PCDHGA1: variants seen among roughly 807,000 people sequenced by gnomAD.
The protein encoded by PCDHGA1 is protocadherin gamma-A1.
A neutral mutation model predicts 58.0 loss-of-function variants in PCDHGA1; 32 were observed. The ratio of observed to expected loss-of-function variants is 0.55; its 90% CI spans 0.42 to 0.74. The LOEUF (loss-of-function observed/expected upper bound fraction) is 0.74. Among genes scored for constraint, PCDHGA1 ranks in the 30% least tolerant of loss-of-function variants. The pLI is 0.00. For missense variants in PCDHGA1, 1,205 were observed against 1,182.3 expected (o/e 1.02, Z -0.28); for synonymous variants, 498 against 501.1 (o/e 0.99, Z 0.08).
chr5:141,390,437 T>C (rs1182289355), intron 1 of PCDHGA1: 42 of 933,186 alleles, frequency 4.5e-5, no homozygotes, highest in Non-Finnish European at 6.5e-5. Flanking sequence ...CATATCATTC[T>C]ACAAAGGAGG....
At chr5:141,376,331 C>T (rs757952080) in intron 1 of PCDHGA1, 2 of 1,614,078 alleles carry the variant, frequency 1.2e-6, no homozygotes, top group East Asian at 2.2e-5. Context: ...TCGGGCTTTC[C>T]TGCAGACCTA....
chr5:141,418,151 G>T, intron 1 of PCDHGA1: 1 of 1,614,108 alleles, frequency 6.2e-7, no homozygotes, highest in Non-Finnish European at 8.5e-7. Flanking sequence ...AATATGCAAA[G>T]AGAGAAGAAG....
Position 141,419,305 on chromosome 5 carries a change from G to A in PCDHGA1, c.2422-75502G>A, listed in dbSNP as rs778360128. ...TCAGTGCCTCTGACCCAGACTTCGGGCTCAACGGCCGTGTCTCCTACTCTC... is the reference window on the plus strand; with the variant it reads ...TCAGTGCCTCTGACCCAGACTTCGGACTCAACGGCCGTGTCTCCTACTCTC... On this transcript the variant is annotated intron_variant, in intron 1 of 3. Transcript: ENST00000517417. The A allele has an allele frequency of 3.1e-6, 5 of 1,613,906 alleles. No individual in the cohort carries two copies. The East Asian group carries it at 1.1e-4, about 36-fold the overall frequency.
At chr5:141,359,855 TAAAA>T (rs1343900120) in intron 1 of PCDHGA1, among the ~76,000 whole-genome samples, 2 of 151,960 alleles carry the variant, frequency 1.3e-5, no homozygotes, top group Non-Finnish European at 2.9e-5. Context: ...CTTTATAAAT[TAAAA>T]AAGAAAAGAA....
At position 141,491,196 on chromosome 5, in the gene PCDHGA1, T is replaced by C. The variant is rs899789155; in HGVS notation, c.2422-3611T>C. ...TGGTGGTCCTGGTGAGGGACAATGGTGACCCTTCACTCTCCTCCACAGCCA... is the reference window on the plus strand; with the variant it reads ...TGGTGGTCCTGGTGAGGGACAATGGCGACCCTTCACTCTCCTCCACAGCCA... On this transcript the variant is annotated intron_variant, in intron 1 of 3. Transcript: ENST00000517417. The surrounding 1 kb of genome is among the most constrained non-coding windows in gnomAD (Gnocchi z 6.9). The C allele has an allele frequency of 6.8e-6, 11 of 1,614,186 alleles. No homozygotes were observed. The highest frequency in any genetic ancestry group is 9.3e-6 in the Non-Finnish European group (11 of 1,180,030).
chr5:141,404,411 G>A, intron 1 of PCDHGA1: 1 of 1,613,854 alleles, frequency 6.2e-7, no homozygotes, highest in Non-Finnish European at 8.5e-7. Flanking sequence ...GAATTCTAGA[G>A]TTATTTACTC....
At chr5:141,427,615 A>G (rs1428096450) in intron 1 of PCDHGA1, 2 of 693,732 alleles carry the variant, frequency 2.9e-6, no homozygotes, top group Non-Finnish European at 5.3e-6. Context: ...GGTGAAGTCA[A>G]CGACAATGCT....
intron 1 of PCDHGA1, chr5:141,365,363 C>G (rs1305690731): frequency 1.2e-6 from 2 of 1,613,900 alleles, no homozygotes; most frequent in Middle Eastern, 1.6e-4. Flanking sequence ...TGACAATGCC[C>G]CCGAAGTGAT....
At position 141,399,013 on chromosome 5, in the gene PCDHGA1, G is replaced by A. The variant is rs145783835; in HGVS notation, c.2421+65908G>A. 9.5e-3 allele frequency: 15,345 copies of A among 1,613,900 alleles called. 158 individuals are homozygous for A. Among genetic ancestry groups the A allele is most frequent in the South Asian group, 0.02 (1,850 of 91,076 alleles). On this transcript the variant is annotated intron_variant, in intron 1 of 3. Coordinates refer to ENST00000517417, the MANE Select transcript of PCDHGA1 (RefSeq NM_018912.3). ...CTTTAGTCTGAATTCAAAGAGCGGA[G>A]AAATTACCACTCAAAAGAAACTGGA...
chr5:141,355,126 C>G (rs1237707047), intron 1 of PCDHGA1: 10 of 1,516,436 alleles, frequency 6.6e-6, no homozygotes, highest in African/African-American at 4.2e-5. Flanking sequence ...TATTTTGGAC[C>G]CAGAAGATCC....
At chr5:141,413,058 C>G (rs2095601249) in intron 1 of PCDHGA1, 1 of 1,073,304 alleles carries the variant, frequency 9.3e-7, no homozygotes, top group Non-Finnish European at 1.3e-6. Context: ...AAGCTCACTC[C>G]AGAATTTAAA....
intron 1 of PCDHGA1, among the ~76,000 whole-genome samples, chr5:141,492,586 G>C (rs1451055991): frequency 6.6e-6 from 1 of 152,220 alleles, no homozygotes; most frequent in Admixed American, 6.5e-5. Context: ...GGGGCCAGGA[G>C]CGCTGGAGCG....
chr5:141,389,899 A>G (rs1328617262), intron 1 of PCDHGA1: 1 of 1,614,032 alleles, frequency 6.2e-7, no homozygotes, highest in South Asian at 1.1e-5. Flanking sequence ...GTGCTGCCGG[A>G]TATCACTGAC....
At chr5:141,390,324 A>G in intron 1 of PCDHGA1, 2 of 1,605,484 alleles carry the variant, frequency 1.2e-6, no homozygotes, top group East Asian at 4.5e-5. Flanking sequence ...TTGCCTACCC[A>G]TTTCTCCATA....
At chr5:141,393,094 A>T in intron 1 of PCDHGA1, 4 of 1,613,606 alleles carry the variant, frequency 2.5e-6, no homozygotes, top group Non-Finnish European at 3.4e-6. Flanking sequence ...GATCGGGAGG[A>T]GCTCTGCGCT....
chr5:141,413,574 T>C (rs773380895), intron 1 of PCDHGA1: 12 of 1,613,714 alleles, frequency 7.4e-6, no homozygotes, highest in Admixed American at 1.7e-5. Flanking sequence ...TCAATGACAA[T>C]GCTCCAAAAT....
chr5:141,380,065 A>G (rs569464120), intron 1 of PCDHGA1, among the ~76,000 whole-genome samples: 1 of 151,950 alleles, frequency 6.6e-6, no homozygotes, highest in East Asian at 1.9e-4. Context: ...ATGCCTAGCT[A>G]ATTTTCATAC....
Position 141,383,223 on chromosome 5 carries a change from C to T in PCDHGA1, c.2421+50118C>T, listed in dbSNP as rs76873890. The T allele has an allele frequency of 1.7e-3, 2,674 of 1,613,922 alleles. 41 individuals are homozygous for T. In the African/African-American group the frequency reaches 0.031, roughly 19 times the overall value. Reference sequence around the variant, plus strand: ...CGCGGTGTCTGGTAAACTTTAACATCCTGATGGAAGATAAAATGAATCTTT... The same window carrying T: ...CGCGGTGTCTGGTAAACTTTAACATTCTGATGGAAGATAAAATGAATCTTT... On this transcript the variant is annotated intron_variant, in intron 1 of 3. Transcript: ENST00000517417.
In PCDHGA1 at chr5:141,332,361, G is replaced by A. The variant is rs1756403188; in HGVS notation, c.1677G>A (p.Ala559=). 3 of 1,614,028 alleles carry A rather than the reference G, an allele frequency of 1.9e-6. No homozygotes were observed. Among genetic ancestry groups the A allele is most frequent in the African/African-American group, 1.3e-5 (1 of 74,908 alleles). Residue 559 remains alanine, a synonymous_variant, in exon 1 of 4, where the codon GCG becomes GCA. Transcript: ENST00000517417. The surrounding 1 kb of genome is among the most constrained non-coding windows in gnomAD (Gnocchi z 4.6). The part of the protein sequence containing the change: ...SLFLLDQNDN[A]PEILYPALPT... ...TCCTGCTGGACCAGAACGACAACGC[G>A]CCCGAGATCCTGTACCCCGCCCTCC... is the stretch of plus-strand genomic sequence containing the variant.
Sources: allele counts gnomAD v4.1 joint callset (sites outside exome capture counted in the v4.1 genomes callset), GRCh38; gene constraint gnomAD v4.1.1; non-coding constraint Gnocchi (gnomAD v3.1); transcripts MANE v1.5; gene names NCBI Gene and HGNC (gene_info 2026-07-23, HGNC 2026-07-21).